Variants in IL1A observed in about 807,000 individuals in gnomAD.
The protein encoded by IL1A is interleukin 1 alpha, also known as interleukin-1 alpha.
A neutral mutation model predicts 22.2 loss-of-function variants in IL1A; 16 were observed. That is an observed-to-expected ratio of 0.72 (90% CI 0.49 to 1.09). IL1A has a LOEUF of 1.09. Among genes scored for constraint, IL1A ranks in the 50% least tolerant of loss-of-function variants. IL1A has a pLI of 0.00. For missense variants in IL1A, 317 were observed against 321.8 expected (o/e 0.99, Z 0.11); for synonymous variants, 113 against 118.5 (o/e 0.95, Z 0.30).
chr2:112,781,322 A>T (rs1255569296), intron 4 of IL1A, among the ~76,000 whole-genome samples: 1 of 152,186 alleles, frequency 6.6e-6, no homozygotes, highest in East Asian at 1.9e-4. Context: ...CATAGCTCGT[A>T]AGTGGTCTTA....
chr2:112,784,491 C>G lies in IL1A; in HGVS notation c.-57G>C, dbSNP rs1558771674. ...AAATGACTCCCTCTCTGGCTGGCAGCTTAAGCCTGAGTCAGTCTTCTTCGC... is the reference window on the plus strand; with the variant it reads ...AAATGACTCCCTCTCTGGCTGGCAGGTTAAGCCTGAGTCAGTCTTCTTCGC... On this transcript the variant is annotated 5_prime_UTR_variant, in exon 1 of 7. Transcript: ENST00000263339. 6.6e-6 allele frequency: 1 copy of G among 152,262 alleles called. No homozygotes were observed. The highest frequency in any genetic ancestry group is 2.1e-4 in the South Asian group (1 of 4,834). The allele number at this position is 152,262 out of a possible 1,614,324, so 9.4% of individuals were successfully genotyped here. A position where few individuals can be genotyped will look rare whatever the true frequency, so the allele number is the denominator to read the frequency against.
chr2:112,774,993 G>A lies in IL1A; in HGVS notation c.*74C>T. 8.6e-7 allele frequency: 1 copy of A among 1,169,170 alleles called. No individual in the cohort carries two copies. The highest frequency in any genetic ancestry group is 1.3e-6 in the Non-Finnish European group (1 of 786,188). The allele number at this position is 1,169,170 out of a possible 1,614,324, so 72.4% of individuals were successfully genotyped here. On this transcript the variant is annotated 3_prime_UTR_variant, in exon 7 of 7. Coordinates refer to ENST00000263339, the MANE Select transcript of IL1A (RefSeq NM_000575.5). ...GCTCAGCAAATGACTAACAGTAAAG[G>A]ATTTAGCTTCTTCATGTACATGGTA...
intron 3 of IL1A, 69 bp from the exon 4 acceptor site, chr2:112,781,895 G>T: frequency 9.2e-7 from 1 of 1,084,390 alleles, no homozygotes; most frequent in Non-Finnish European, 1.4e-6. Context: ...TTCAGTAGGT[G>T]CTGTATTCAA....
intron 6 of IL1A, 46 bp downstream of exon 6, chr2:112,777,941 A>G: frequency 2.5e-6 from 4 of 1,604,374 alleles, no homozygotes; most frequent in Non-Finnish European, 3.4e-6. Flanking sequence ...ATTTACAAAC[A>G]TATGAGATGT....
At chr2:112,783,946 T>C (rs1193662293) in intron 1 of IL1A, among the ~76,000 whole-genome samples, 168 bp from the exon 2 acceptor site, 1 of 152,248 alleles carries the variant, frequency 6.6e-6, no homozygotes, top group Admixed American at 6.5e-5. Context: ...GCTATGTACC[T>C]GTCTCCTTTA....
chr2:112,783,815 A>G (rs748260513), intron 1 of IL1A, 37 bp from the exon 2 acceptor site: 3 of 1,591,240 alleles, frequency 1.9e-6, no homozygotes, highest in South Asian at 1.1e-5. Flanking sequence ...CAGCTCAGCC[A>G]GCCTCTAATC....
rs777277329 is a variant in IL1A, at chr2:112,779,495, C to T, written c.490+1G>A. On this transcript the variant is annotated splice_donor_variant, in intron 5 of 6. Transcript: ENST00000263339. LOFTEE classifies it high-confidence loss of function. The stretch of plus-strand genomic sequence containing the variant: ...AAATGTCTGGTGCCATTTTAATGTA[C>T]CTGCTTCATCCAGATTATGTAATGC... The T allele has an allele frequency of 4.9e-5, 76 of 1,563,574 alleles. No homozygotes were observed. The East Asian group carries it at 1.7e-3, about 35-fold the overall frequency.
Position 112,774,179 on chromosome 2 carries a change from C to A in IL1A, c.*888G>T, listed in dbSNP as rs1371959257. ...CAGGTAAGTTTAATGGCAAAAGAGT[C>A]AAAGATCGGACCAATTACTGGCTCA... On this transcript the variant is annotated 3_prime_UTR_variant, in exon 7 of 7. Coordinates refer to ENST00000263339, the MANE Select transcript of IL1A (RefSeq NM_000575.5). 1.3e-5 allele frequency: 2 copies of A among 152,030 alleles called. No individual in the cohort carries two copies. Among genetic ancestry groups the A allele is most frequent in the Non-Finnish European group, 2.9e-5 (2 of 68,020 alleles). The allele number at this position is 152,030 out of a possible 1,614,324, so 9.4% of individuals were successfully genotyped here.
chr2:112,781,533 T>A, intron 4 of IL1A, 71 bp downstream of exon 4: 1 of 1,175,306 alleles, frequency 8.5e-7, no homozygotes, highest in Non-Finnish European at 1.3e-6. Flanking sequence ...CGTTTAATTT[T>A]CCCCTAAATT....
intron 6 of IL1A, 126 bp from the exon 7 acceptor site, chr2:112,775,393 A>G (rs1393807456): frequency 1.2e-5 from 8 of 667,592 alleles, no homozygotes; most frequent in South Asian, 3.7e-5. Flanking sequence ...ACATGATGCT[A>G]TAGGCTCTTC....
In IL1A at chr2:112,778,015, T is replaced by C. The variant is rs1309611637; in HGVS notation, c.587A>G (p.Gln196Arg). 6.2e-7 allele frequency: 1 copy of C among 1,614,216 alleles called. No individual in the cohort carries two copies. Among genetic ancestry groups the C allele is most frequent in the African/African-American group, 1.3e-5 (1 of 75,048 alleles). ...ISKTQLYVTA[Q>R]DEDQPVLLKE... is the part of the protein sequence containing the mutation. ...CAGCAGCACTGGTTGGTCTTCATCTTGGGCAGTCACATACAATTGAGTTTT... is the reference window on the plus strand; with the variant it reads ...CAGCAGCACTGGTTGGTCTTCATCTCGGGCAGTCACATACAATTGAGTTTT... Residue 196 changes from glutamine (Q) to arginine (R), a missense_variant, in exon 6 of 7, where the codon CAA becomes CGA. Coordinates refer to ENST00000263339, the MANE Select transcript of IL1A (RefSeq NM_000575.5).
In IL1A at chr2:112,774,036, T is replaced by C. The variant is rs1372275240; in HGVS notation, c.*1031A>G. 1.3e-5 allele frequency: 2 copies of C among 152,190 alleles called. No homozygotes were observed. The highest frequency in any genetic ancestry group is 6.5e-5 in the Admixed American group (1 of 15,280). 9.4% of individuals were successfully genotyped at this position (152,190 alleles called of 1,614,324 possible). On this transcript the variant is annotated 3_prime_UTR_variant, in exon 7 of 7. Coordinates refer to ENST00000263339, the MANE Select transcript of IL1A (RefSeq NM_000575.5). ...CAATTTTTAGAACCTAGAAGAAACA[T>C]TGATTACATTCCAGAAAAGAAAGTT...
At position 112,774,813 on chromosome 2, in the gene IL1A, G is replaced by A; in HGVS notation, c.*254C>T. ...TTTGGTAGCCATAGTCAGTAGCTCT[G>A]GTCCTCCTAAAATTGTTATGAAGAA... is the stretch of plus-strand genomic sequence containing the variant. On this transcript the variant is annotated 3_prime_UTR_variant, in exon 7 of 7. Coordinates refer to ENST00000263339, the MANE Select transcript of IL1A (RefSeq NM_000575.5). 2.7e-6 allele frequency: 1 copy of A among 365,560 alleles called. No homozygotes were observed. The highest frequency in any genetic ancestry group is 5.1e-6 in the Non-Finnish European group (1 of 196,156). 22.6% of individuals were successfully genotyped at this position (365,560 alleles called of 1,614,324 possible).
At chr2:112,779,422 A>G in intron 5 of IL1A, 74 bp downstream of exon 5, 1 of 1,263,784 alleles carries the variant, frequency 7.9e-7, no homozygotes, top group Admixed American at 2.1e-5. Context: ...TGCAAGCAGA[A>G]AGATTGAAAT....
At chr2:112,776,197 T>C (rs1241659795) in intron 6 of IL1A, among the ~76,000 whole-genome samples, 4 of 152,234 alleles carry the variant, frequency 2.6e-5, no homozygotes, top group African/African-American at 9.6e-5. Context: ...ATCTGTTTTC[T>C]ATTTTAGGAA....
chr2:112,781,590 G>C lies in IL1A; in HGVS notation c.319+14C>G. The C allele has an allele frequency of 1.3e-6, 2 of 1,590,808 alleles. No homozygotes were observed. Among genetic ancestry groups the C allele is most frequent in the Non-Finnish European group, 8.6e-7 (1 of 1,158,740 alleles). On this transcript the variant is annotated intron_variant, in intron 4 of 6. Transcript: ENST00000263339. ...AACTGTAAAAGAAAGATATTATTGT[G>C]CTTGACCCCTTACCTTCCTCTGAGT...
At chr2:112,775,306 T>A (rs775826557) in intron 6 of IL1A, 39 bp from the exon 7 acceptor site, 1 of 1,557,750 alleles carries the variant, frequency 6.4e-7, no homozygotes, top group South Asian at 1.1e-5. Context: ...GAGAACAAGA[T>A]GGTAGAAAAA....
chr2:112,781,817 A>G lies in IL1A; in HGVS notation c.106T>C (p.Tyr36His), dbSNP rs1463557964. Residue 36 changes from tyrosine (Y) to histidine (H), a missense_variant, in exon 4 of 7, where the codon TAT (tyrosine) becomes CAT (histidine). Transcript: ENST00000263339. The stretch of plus-strand genomic sequence containing the variant: ...TGGAGTGGGCCATAGCTTACATGAT[A>G]GAAGGATTTCTGTGAGGAAGGAAAA... Reference protein sequence around the residue: ...DHLSLNQKSFYHVSYGPLHEG... With the variant: ...DHLSLNQKSFHHVSYGPLHEG... 1 of 1,612,674 alleles carries G rather than the reference A, an allele frequency of 6.2e-7. No individual in the cohort carries two copies. Among genetic ancestry groups the G allele is most frequent in the Non-Finnish European group, 8.5e-7 (1 of 1,178,622 alleles).
intron 6 of IL1A, 69 bp downstream of exon 6, chr2:112,777,918 G>T (rs1163741974): frequency 2.0e-6 from 3 of 1,516,532 alleles, no homozygotes; most frequent in Non-Finnish European, 2.7e-6. Flanking sequence ...AGAGGTGTCT[G>T]CCTATTGGGC....
Sources: allele counts gnomAD v4.1 joint callset (sites outside exome capture counted in the v4.1 genomes callset), GRCh38; gene constraint gnomAD v4.1.1; transcripts MANE v1.5; gene names NCBI Gene and HGNC (gene_info 2026-07-23, HGNC 2026-07-21).